EYS: variants seen among roughly 807,000 people sequenced by gnomAD.
The protein encoded by EYS is EGF-like photoreceptor maintenance factor, also known as protein eyes shut homolog.
EYS carries 250 observed loss-of-function variants against 282.1 expected under a neutral mutation model. That is an observed-to-expected ratio of 0.89 (90% CI 0.80 to 0.98). EYS has a LOEUF of 0.98. EYS is among the 50% of genes least tolerant of loss of function. The probability of loss-of-function intolerance (pLI) is 0.00; values close to 1 mark genes in which losing one functional copy is unlikely to be tolerated. For missense variants in EYS, 4,016 were observed against 3,709.0 expected (o/e 1.08, Z -2.15); for synonymous variants, 1,355 against 1,282.9 (o/e 1.06, Z -1.20).
At chr6:65,046,605 G>C (rs1247828141) in intron 13 of EYS, among the ~76,000 whole-genome samples, 1 of 151,822 alleles carries the variant, frequency 6.6e-6, no homozygotes, top group East Asian at 1.9e-4. Context: ...AATAATTTTT[G>C]ATGTGGTTGA....
intron 22 of EYS, among the ~76,000 whole-genome samples, chr6:64,700,037 A>C (rs1770725075): frequency 6.6e-6 from 1 of 152,044 alleles, no homozygotes; most frequent in African/African-American, 2.4e-5. Context: ...AATATACCAT[A>C]ATCAAGTGGG....
At chr6:65,050,466 T>G (rs2150154143) in intron 13 of EYS, among the ~76,000 whole-genome samples, 1 of 151,750 alleles carries the variant, frequency 6.6e-6, no homozygotes, top group South Asian at 2.1e-4. Context: ...TTCATTCAAT[T>G]TATTTGACCA....
intron 33 of EYS, among the ~76,000 whole-genome samples, chr6:64,030,252 G>A (rs150533337): frequency 0.011 from 1,610 of 152,214 alleles, 30 homozygotes; most frequent in African/African-American, 0.036. Context: ...AGAAGAAGTC[G>A]AAGGGAGAAG....
rs115005947 is a variant in EYS at position 63,905,747 on chromosome 6, C to T, written c.7056-41389G>A. Among the ~76,000 whole-genome samples, 1,020 of 152,250 alleles carry T rather than the reference C, an allele frequency of 6.7e-3. 17 individuals are homozygous for T. The highest frequency in any genetic ancestry group is 0.024 in the African/African-American group (987 of 41,540). ...ACCCAGTGGACTAGAATTTGCCTGT[C>T]GATTTTGATCTTTACACTGATTCCA... is the stretch of plus-strand genomic sequence containing the variant. On this transcript the variant is annotated intron_variant, in intron 35 of 42. Coordinates refer to ENST00000503581, the MANE Select transcript of EYS (RefSeq NM_001142800.2).
chr6:65,187,097 C>A (rs1328409771), intron 12 of EYS, among the ~76,000 whole-genome samples: 1 of 151,682 alleles, frequency 6.6e-6, no homozygotes, highest in East Asian at 1.9e-4. Flanking sequence ...GAAACTTAAT[C>A]TTTTAAAGTG....
chr6:64,707,929 C>A (rs2149931720), intron 22 of EYS, among the ~76,000 whole-genome samples: 1 of 151,880 alleles, frequency 6.6e-6, no homozygotes, highest in South Asian at 2.1e-4. Flanking sequence ...ATGAAAGGGA[C>A]TATGAAGTGA....
intron 31 of EYS, among the ~76,000 whole-genome samples, chr6:64,181,780 C>T (rs1288828107): frequency 6.6e-6 from 1 of 152,058 alleles, no homozygotes; most frequent in African/African-American, 2.4e-5. Flanking sequence ...TTGTAATATT[C>T]AACTTACTTT....
chr6:64,013,829 T>A (rs1050907652), intron 33 of EYS, among the ~76,000 whole-genome samples: 3 of 152,102 alleles, frequency 2.0e-5, no homozygotes, highest in Admixed American at 6.6e-5. Flanking sequence ...AAAAAAAAAA[T>A]TCTTTTTCTT....
chr6:65,680,944 G>T lies in EYS; in HGVS notation c.-448+26191C>A, dbSNP rs564846897. Among the ~76,000 whole-genome samples the T allele has an allele frequency of 4.1e-4, 63 of 151,960 alleles. 1 individual carries two copies. Among genetic ancestry groups the T allele is most frequent in the Middle Eastern group, 3.4e-3 (1 of 294 alleles). On this transcript the variant is annotated intron_variant, in intron 1 of 42. Coordinates refer to ENST00000503581, the MANE Select transcript of EYS (RefSeq NM_001142800.2). ...CCACAGGTTGAAGGTTCAGTTTCAC[G>T]AGATTGCCTCCCACTGGCCACCGGT...
At chr6:64,561,642 A>G (rs368885101) in intron 26 of EYS, among the ~76,000 whole-genome samples, 38 of 152,166 alleles carry the variant, frequency 2.5e-4, no homozygotes, top group African/African-American at 9.1e-4. Context: ...CTCTGTTTAC[A>G]ATGAGAATTA....
intron 35 of EYS, among the ~76,000 whole-genome samples, chr6:63,975,212 C>G (rs917940215): frequency 6.6e-6 from 1 of 151,838 alleles, no homozygotes; most frequent in South Asian, 2.1e-4. Flanking sequence ...GTTCTGCATG[C>G]CTTAATGTTT....
intron 26 of EYS, among the ~76,000 whole-genome samples, chr6:64,491,603 C>T (rs962496636): frequency 6.0e-5 from 9 of 151,096 alleles, no homozygotes; most frequent in African/African-American, 2.2e-4. Context: ...ACTTTAACGG[C>T]TAATGTAATA....
At chr6:64,749,299 T>C (rs1324836684) in intron 22 of EYS, among the ~76,000 whole-genome samples, 1 of 152,218 alleles carries the variant, frequency 6.6e-6, no homozygotes, top group African/African-American at 2.4e-5. Context: ...CACCTAGCTC[T>C]ATGCTTTCTA....
chr6:64,901,353 A>C (rs1562250395), intron 18 of EYS, among the ~76,000 whole-genome samples: 1 of 149,906 alleles, frequency 6.7e-6, no homozygotes, highest in Admixed American at 6.7e-5. Flanking sequence ...AAAAAGGCAA[A>C]ATTAATCATC....
Position 64,745,149 on chromosome 6 carries a change from T to G in EYS, c.3443+68229A>C, listed in dbSNP as rs375946906. ...GTTTCATTTTTTTCTTTGAAACATT[T>G]CTAAAAATACTTCAATTTAGTTTTC... On this transcript the variant is annotated intron_variant, in intron 22 of 42. Transcript: ENST00000503581. Among the ~76,000 whole-genome samples, 26 of 152,272 alleles carry G rather than the reference T, an allele frequency of 1.7e-4. No homozygotes were observed. In the East Asian group the frequency reaches 4.8e-3, roughly 28 times the overall value.
chr6:64,624,974 C>T (rs889633936), intron 23 of EYS, among the ~76,000 whole-genome samples: 1 of 152,186 alleles, frequency 6.6e-6, no homozygotes, highest in African/African-American at 2.4e-5. Flanking sequence ...CTCCTGGGCT[C>T]AAGTAATCCT....
intron 11 of EYS, among the ~76,000 whole-genome samples, chr6:65,321,954 T>G (rs540197295): frequency 1.3e-5 from 2 of 152,302 alleles, no homozygotes; most frequent in Admixed American, 1.3e-4. Flanking sequence ...GAATCTCCTT[T>G]TCCTTATTTG....
At chr6:64,956,333 A>C (rs906774027) in intron 14 of EYS, among the ~76,000 whole-genome samples, 1 of 152,230 alleles carries the variant, frequency 6.6e-6, no homozygotes, top group Non-Finnish European at 1.5e-5. Context: ...AAGAACATGC[A>C]CTGGAGAAAA....
intron 41 of EYS, among the ~76,000 whole-genome samples, chr6:63,750,411 C>T (rs554041590): frequency 6.6e-6 from 1 of 152,314 alleles, no homozygotes; most frequent in South Asian, 2.1e-4. Context: ...AGAAGACCTT[C>T]TTTAATCAGC....
Sources: gnomAD v4.1 joint callset for allele counts (sites outside exome capture counted in the v4.1 genomes callset) on GRCh38, gnomAD v4.1.1 for gene constraint, MANE v1.5 for transcripts, NCBI Gene and HGNC (gene_info 2026-07-23, HGNC 2026-07-21) for gene names.